Variants in RNF213 observed in about 807,000 individuals in gnomAD.
RNF213 encodes the protein E3 ubiquitin-protein ligase RNF213.
In RNF213, 341 loss-of-function variants were observed where a neutral mutation model predicts 514.4. That is an observed-to-expected ratio of 0.66 (90% CI 0.61 to 0.73). The LOEUF (loss-of-function observed/expected upper bound fraction) is 0.73. Among genes scored for constraint, RNF213 ranks in the 30% least tolerant of loss-of-function variants. The pLI is 0.00. For synonymous variants in RNF213, 2,655 were observed against 2,658.2 expected (o/e 1.00, Z 0.04); for missense variants, 5,767 against 6,615.6 (o/e 0.87, Z 4.45).
At position 80,363,627 on chromosome 17, in the gene RNF213, G is replaced by A. The variant is rs577982374; in HGVS notation, c.11587G>A (p.Ala3863Thr). ...TCCCCAGACCCTGGACGCATTTGCC[G>A]CAATGGCCTGCACGGAGATGCTGAC... ...GCEMTLDAFA[A>T]MACTEMLTRN... The change falls in exon 41 of 68, where the codon GCA (alanine) becomes ACA (threonine). Residue 3863 changes from alanine (A) to threonine (T), a missense_variant. Physicochemically the swap from Ala to Thr is moderately conservative, Grantham distance 58. This residue lies in a region of RNF213 where 355 missense variants were observed against 358.0 expected (regional missense o/e 0.99). Transcript: ENST00000582970. 35 of 1,613,882 alleles carry A rather than the reference G, an allele frequency of 2.2e-5. No individual in the cohort carries two copies. The South Asian group carries it at 3.2e-4, about 15-fold the overall frequency.
At chr17:80,369,164 C>T (rs547103075) in intron 44 of RNF213, among the ~76,000 whole-genome samples, 3 of 152,152 alleles carry the variant, frequency 2.0e-5, no homozygotes, top group South Asian at 2.1e-4. Context: ...TCTGGGAGGC[C>T]GAGGTGTGTG....
intron 3 of RNF213, among the ~76,000 whole-genome samples, chr17:80,280,985 G>A (rs892898442): frequency 6.6e-6 from 1 of 151,852 alleles, no homozygotes; most frequent in Non-Finnish European, 1.5e-5. Flanking sequence ...TGGTCAGGGT[G>A]TATACACGGG....
In RNF213 at chr17:80,289,763, C is replaced by A. The variant is rs1317348093; in HGVS notation, c.1038C>A (p.Asn346Lys). The A allele has an allele frequency of 1.2e-6, 2 of 1,613,846 alleles. No homozygotes were observed. The highest frequency in any genetic ancestry group is 2.7e-5 in the African/African-American group (2 of 74,970). The change falls in exon 6 of 68, where the codon AAC (asparagine) becomes AAA (lysine). Residue 346 changes from asparagine to lysine, a missense_variant. Physicochemically the swap from Asn to Lys is moderately conservative, Grantham distance 94. Transcript: ENST00000582970. ...PEDLKKPEGK[N>K]RSAAAVKNEK... ...ACCTCAAGAAGCCAGAGGGGAAGAA[C>A]AGAAGTGCAGCTGCTGTGAAAAACG...
At position 80,319,194 on chromosome 17, in the gene RNF213, A is replaced by G; in HGVS notation, c.2906A>G (p.Glu969Gly). The G allele has an allele frequency of 6.2e-7, 1 of 1,614,154 alleles. No homozygotes were observed. The highest frequency in any genetic ancestry group is 8.5e-7 in the Non-Finnish European group (1 of 1,180,012). ...ACCCCCCTTTGATTTTTGCAGGAGG[A>G]ACCCCTCTCCCAGATCACTGCCTAC... The part of the protein sequence containing the change: ...GDMEWRLTKE[E>G]PLSQITAYCN... Residue 969 changes from glutamate (E) to glycine (G), a missense_variant, in exon 17 of 68, where the codon GAA (glutamate) becomes GGA (glycine). This residue lies in a region of RNF213 where 516 missense variants were observed against 566.5 expected (regional missense o/e 0.91). Transcript: ENST00000582970.
intron 42 of RNF213, 59 bp from the exon 43 acceptor site, chr17:80,367,689 G>A (rs546848646): frequency 2.3e-5 from 32 of 1,413,476 alleles, no homozygotes; most frequent in Middle Eastern, 1.8e-4. Flanking sequence ...TCTGTCGCCC[G>A]GCCTGGCCGC....
chr17:80,277,489 T>G (rs145176053), intron 3 of RNF213, among the ~76,000 whole-genome samples: 17 of 149,398 alleles, frequency 1.1e-4, no homozygotes, highest in Middle Eastern at 7.0e-3. Context: ...TCCCAGCTAC[T>G]CAGGAGGTTG....
intron 20 of RNF213, among the ~76,000 whole-genome samples, chr17:80,331,352 T>G (rs923503577): frequency 3.3e-5 from 5 of 151,982 alleles, no homozygotes; most frequent in African/African-American, 9.7e-5. Flanking sequence ...CCTGTTATCC[T>G]GTTCGCCATT....
At chr17:80,352,810 GC>G in intron 32 of RNF213, 129 bp from the exon 33 acceptor site, 1 of 1,435,066 alleles carries the variant, frequency 7.0e-7, no homozygotes, top group Non-Finnish European at 9.7e-7. Flanking sequence ...CAGGGTTTCG[GC>G]TTCAGGGTGC....
chr17:80,375,679 G>A, intron 50 of RNF213, 81 bp from the exon 51 acceptor site: 2 of 963,312 alleles, frequency 2.1e-6, no homozygotes, highest in South Asian at 1.3e-5. Flanking sequence ...CTCCAGCCTG[G>A]GTGACAGAGC....
At chr17:80,310,593 C>T (rs2045537169) in intron 14 of RNF213, among the ~76,000 whole-genome samples, 1 of 151,690 alleles carries the variant, frequency 6.6e-6, no homozygotes, top group African/African-American at 2.4e-5. Flanking sequence ...ACTCTTGTTG[C>T]CCAGGCTGTA....
rs771771889 is a variant in RNF213, at chr17:80,358,357, CAG to C, written c.10936_10937del (p.Asp3646ArgfsTer25). 1.9e-6 allele frequency: 3 copies of C among 1,614,194 alleles called. No individual in the cohort carries two copies. The highest frequency in any genetic ancestry group is 1.1e-5 in the South Asian group (1 of 91,076). On this transcript the variant is annotated frameshift_variant, in exon 37 of 68. Coordinates refer to ENST00000582970, the MANE Select transcript of RNF213 (RefSeq NM_001256071.3). LOFTEE classifies it high-confidence loss of function. The stretch of plus-strand genomic sequence containing the variant: ...TGGCGAGCATGATATCATTCATCGA[CAG>C]AGACGGCAACCTAGAGTTACTGACC... ...LLASMISFID[R>X]DGNLELLTRP...
chr17:80,385,860 T>G (rs907845082), intron 61 of RNF213, among the ~76,000 whole-genome samples: 2 of 152,150 alleles, frequency 1.3e-5, no homozygotes, highest in Admixed American at 6.5e-5. Flanking sequence ...GAGACAGGGT[T>G]TCACCATGTT....
Position 80,353,221 on chromosome 17 carries a change from G to C in RNF213, c.10423+162G>C. 9.8e-7 allele frequency: 1 copy of C among 1,016,892 alleles called. No homozygotes were observed. The highest frequency in any genetic ancestry group is 1.5e-6 in the Non-Finnish European group (1 of 680,704). The allele number at this position is 1,016,892 out of a possible 1,614,324, so 63.0% of individuals were successfully genotyped here. A position where few individuals can be genotyped will look rare whatever the true frequency, so the allele number is the denominator to read the frequency against. The stretch of plus-strand genomic sequence containing the variant: ...CAGAACTGACTGGTGGCTCATCATA[G>C]AGCACCAGGGCCGAGCAGGTGCGCT... On this transcript the variant is annotated intron_variant, in intron 33 of 67. Coordinates refer to ENST00000582970, the MANE Select transcript of RNF213 (RefSeq NM_001256071.3). This position sits in a 1 kb window ranked among gnomAD's most constrained non-coding sequence, Gnocchi z 5.0.
rs376830639 is a variant in RNF213 at position 80,363,611 on chromosome 17, C to T, written c.11571C>T (p.Thr3857=). ...WNHELAGCEM[T]LDAFAAMACT... is the part of the protein sequence containing the mutation. ...CGCCCTGCTGTCCGTCTCCCCAGAC[C>T]CTGGACGCATTTGCCGCAATGGCCT... is the stretch of plus-strand genomic sequence containing the variant. Residue 3857 remains threonine, a splice_region_variant and synonymous_variant, in exon 41 of 68, where the codon ACC becomes ACT. Transcript: ENST00000582970. 123 of 1,613,466 alleles carry T rather than the reference C, an allele frequency of 7.6e-5. No individual in the cohort carries two copies. Among genetic ancestry groups the T allele is most frequent in the Non-Finnish European group, 1.0e-4 (121 of 1,180,040 alleles).
chr17:80,344,128 C>G (rs2078240635), intron 28 of RNF213, 113 bp downstream of exon 28: 1 of 1,131,014 alleles, frequency 8.8e-7, no homozygotes, highest in African/African-American at 1.6e-5. Flanking sequence ...TTACTTAGTG[C>G]AGCAGCTGAA....
At position 80,294,941 on chromosome 17, in the gene RNF213, C is replaced by G. The variant is rs2044878985; in HGVS notation, c.1693C>G (p.Gln565Glu). Residue 565 changes from glutamine (Q) to glutamate (E), a missense_variant, in exon 9 of 68, where the codon CAG becomes GAG. Around this residue, in one of 13 missense-constraint regions of RNF213, gnomAD observed 592 missense variants for 673.9 expected, o/e 0.88. Transcript: ENST00000582970. ...QFEQFCFVLQQPMIYEGQAQL... is the reference protein window; with the variant it reads ...QFEQFCFVLQEPMIYEGQAQL... ...CGAGCAGTTTTGCTTTGTCCTGCAA[C>G]AGCCTATGATTTATGAAGGACAGGC... The G allele has an allele frequency of 1.9e-6, 3 of 1,614,074 alleles. No homozygotes were observed. The highest frequency in any genetic ancestry group is 3.3e-4 in the Middle Eastern group (2 of 6,084).
At chr17:80,364,089 C>G (rs532308436) in intron 41 of RNF213, among the ~76,000 whole-genome samples, 5 of 152,082 alleles carry the variant, frequency 3.3e-5, no homozygotes, top group Non-Finnish European at 7.4e-5. Context: ...AAGGACACCC[C>G]GGGCGGGCAG....
intron 46 of RNF213, among the ~76,000 whole-genome samples, chr17:80,370,367 G>A (rs1048839081): frequency 8.5e-5 from 13 of 152,192 alleles, no homozygotes; most frequent in African/African-American, 3.1e-4. Context: ...CAAAGTGTTG[G>A]TATGGACCCT....
In RNF213 at chr17:80,343,102, C is replaced by G; in HGVS notation, c.5990-30C>G. ...GGATTACAGGTGTGAGCCACCACTC[C>G]CAGCCCTAATTTCTGTATTAATGTT... is the stretch of plus-strand genomic sequence containing the variant. On this transcript the variant is annotated intron_variant, in intron 26 of 67. Transcript: ENST00000582970. This position sits in a 1 kb window ranked among gnomAD's most constrained non-coding sequence, Gnocchi z 4.3. 6.3e-7 allele frequency: 1 copy of G among 1,592,854 alleles called. No individual in the cohort carries two copies. The highest frequency in any genetic ancestry group is 8.6e-7 in the Non-Finnish European group (1 of 1,161,030).
Sources: allele counts gnomAD v4.1 joint callset (sites outside exome capture counted in the v4.1 genomes callset), GRCh38; gene constraint gnomAD v4.1.1; regional missense constraint gnomAD v4.1.1; non-coding constraint Gnocchi (gnomAD v3.1); transcripts MANE v1.5; gene names NCBI Gene and HGNC (gene_info 2026-07-23, HGNC 2026-07-21).